The following ST6GALNAC3 variants were observed in gnomAD, a reference collection of about 807,000 sequenced individuals.
The protein encoded by ST6GALNAC3 is ST6 N-acetylgalactosaminide alpha-2,6-sialyltransferase 3.
A neutral mutation model predicts 32.7 loss-of-function variants in ST6GALNAC3; 25 were observed. The observed-to-expected ratio is 0.76, with a 90% CI of 0.56 to 1.07. The LOEUF is 1.07. ST6GALNAC3 is among the 50% of genes least tolerant of loss of function. The probability of loss-of-function intolerance (pLI) is 0.00; values close to 1 mark genes in which losing one functional copy is unlikely to be tolerated. For missense variants in ST6GALNAC3, 355 were observed against 382.4 expected (o/e 0.93, Z 0.60); for synonymous variants, 129 against 133.1 (o/e 0.97, Z 0.21).
chr1:76,193,574 T>C (rs1227172130), intron 1 of ST6GALNAC3, among the ~76,000 whole-genome samples: 3 of 152,178 alleles, frequency 2.0e-5, no homozygotes, highest in Non-Finnish European at 4.4e-5. Context: ...CTGTAGTAGA[T>C]ACTACATATA....
chr1:76,284,565 T>A (rs906253032), intron 1 of ST6GALNAC3, among the ~76,000 whole-genome samples: 1 of 152,132 alleles, frequency 6.6e-6, no homozygotes, highest in African/African-American at 2.4e-5. Flanking sequence ...GTTTTGCTGA[T>A]AAAGAAGAAA....
chr1:76,534,394 AACC>A (rs1663464364), intron 3 of ST6GALNAC3, among the ~76,000 whole-genome samples: 1 of 152,128 alleles, frequency 6.6e-6, no homozygotes, highest in Non-Finnish European at 1.5e-5. Context: ...CATGGTAGGC[AACC>A]ACCACCTTTA....
chr1:76,514,243 T>G (rs1339523683), intron 3 of ST6GALNAC3, among the ~76,000 whole-genome samples: 1 of 152,190 alleles, frequency 6.6e-6, no homozygotes, highest in South Asian at 2.1e-4. Flanking sequence ...GTACATACCT[T>G]TTATACTTAA....
chr1:76,171,898 C>T (rs1389869074), intron 1 of ST6GALNAC3, among the ~76,000 whole-genome samples: 1 of 149,024 alleles, frequency 6.7e-6, no homozygotes, highest in Non-Finnish European at 1.5e-5. Flanking sequence ...CTGAATTCTA[C>T]CAGAAATACA....
chr1:76,480,761 T>C (rs769956615), intron 3 of ST6GALNAC3, among the ~76,000 whole-genome samples: 18 of 152,130 alleles, frequency 1.2e-4, no homozygotes, highest in Non-Finnish European at 1.8e-4. Flanking sequence ...GTAATAATAA[T>C]AAGTAATCAC....
chr1:76,265,780 A>C (rs546824980), intron 1 of ST6GALNAC3, among the ~76,000 whole-genome samples: 3 of 152,212 alleles, frequency 2.0e-5, no homozygotes, highest in Non-Finnish European at 4.4e-5. Context: ...AGGGTCTAGA[A>C]CGTAGTATTT....
chr1:76,383,441 ATTT>A (rs34140871), intron 2 of ST6GALNAC3, among the ~76,000 whole-genome samples: 7 of 134,338 alleles, frequency 5.2e-5, no homozygotes, highest in East Asian at 2.2e-4. Context: ...TGGCTAATTA[ATTT>A]TTTTTTTTTT....
intron 1 of ST6GALNAC3, among the ~76,000 whole-genome samples, chr1:76,199,427 A>G (rs1405421370): frequency 6.6e-6 from 1 of 152,200 alleles, no homozygotes; most frequent in Non-Finnish European, 1.5e-5. Context: ...TCTGCTTTAT[A>G]AAATCCACTT....
chr1:76,165,094 T>G (rs1256471078), intron 1 of ST6GALNAC3, among the ~76,000 whole-genome samples: 1 of 152,186 alleles, frequency 6.6e-6, no homozygotes, highest in South Asian at 2.1e-4. Context: ...TGGGGTTTGT[T>G]GTACAGATTG....
At chr1:76,621,019 A>C (rs181893626) in intron 3 of ST6GALNAC3, among the ~76,000 whole-genome samples, 1 of 152,210 alleles carries the variant, frequency 6.6e-6, no homozygotes, top group Admixed American at 6.5e-5. Flanking sequence ...TCTAAGTGGT[A>C]TCTTCTATTT....
intron 1 of ST6GALNAC3, among the ~76,000 whole-genome samples, chr1:76,302,864 A>G (rs1660808227): frequency 6.6e-6 from 1 of 152,020 alleles, no homozygotes; most frequent in African/African-American, 2.4e-5. Flanking sequence ...AAGCAACAAA[A>G]GCAGAGACTT....
intron 3 of ST6GALNAC3, among the ~76,000 whole-genome samples, chr1:76,512,697 T>C (rs2101761897): frequency 6.6e-6 from 1 of 152,292 alleles, no homozygotes; most frequent in South Asian, 2.1e-4. Context: ...TTGTACCCGT[T>C]GACCAGCCTC....
At chr1:76,085,120 A>C (rs939765130) in intron 1 of ST6GALNAC3, among the ~76,000 whole-genome samples, 1 of 152,240 alleles carries the variant, frequency 6.6e-6, no homozygotes, top group Non-Finnish European at 1.5e-5. Flanking sequence ...CAAAAGAAGA[A>C]TAAGAGTTGA....
intron 3 of ST6GALNAC3, among the ~76,000 whole-genome samples, chr1:76,415,405 G>A (rs574173859): frequency 6.6e-6 from 1 of 151,842 alleles, no homozygotes; most frequent in Admixed American, 6.6e-5. Flanking sequence ...CCATGAGATA[G>A]AAACCAATCC....
intron 1 of ST6GALNAC3, among the ~76,000 whole-genome samples, chr1:76,078,441 C>T (rs1049107248): frequency 6.6e-6 from 1 of 152,214 alleles, no homozygotes; most frequent in Non-Finnish European, 1.5e-5. Context: ...GAACGATGAT[C>T]ACTTCATAAT....
chr1:76,525,791 G>A (rs12408344), intron 3 of ST6GALNAC3, among the ~76,000 whole-genome samples: 1,064 of 75,352 alleles, frequency 0.014, 25 homozygotes, highest in Non-Finnish European at 0.023. Flanking sequence ...GTGTGTGTGT[G>A]TATATATATA....
intron 1 of ST6GALNAC3, among the ~76,000 whole-genome samples, chr1:76,292,122 C>T (rs1009281675): frequency 6.6e-6 from 1 of 152,216 alleles, no homozygotes; most frequent in Admixed American, 6.5e-5. Context: ...TGTAGCTTGT[C>T]ATAAAACATT....
intron 1 of ST6GALNAC3, among the ~76,000 whole-genome samples, chr1:76,141,938 G>T (rs1350720598): frequency 1.3e-5 from 2 of 152,154 alleles, no homozygotes; most frequent in African/African-American, 4.8e-5. Context: ...ATACTCACAA[G>T]ACAAAGTCCT....
At chr1:76,261,857 C>T (rs1361540996) in intron 1 of ST6GALNAC3, among the ~76,000 whole-genome samples, 2 of 152,124 alleles carry the variant, frequency 1.3e-5, no homozygotes, top group East Asian at 1.9e-4. Context: ...CTGTTCTGAG[C>T]GGTATTTTTC....
Sources: gnomAD v4.1 joint callset for allele counts (sites outside exome capture counted in the v4.1 genomes callset) on GRCh38, gnomAD v4.1.1 for gene constraint, MANE v1.5 for transcripts, NCBI Gene and HGNC (gene_info 2026-07-23, HGNC 2026-07-21) for gene names.